CELF2: variants seen among roughly 807,000 people sequenced by gnomAD.
The protein encoded by CELF2 is CUGBP Elav-like family member 2.
Under a neutral mutation model 62.6 loss-of-function variants are expected in CELF2, and 8 were observed. That is an observed-to-expected ratio of 0.13 (90% CI 0.07 to 0.23). CELF2 has a LOEUF of 0.23. Among genes scored for constraint, CELF2 ranks in the 10% least tolerant of loss-of-function variants. The pLI is 1.00. For missense variants in CELF2, 333 were observed against 671.0 expected (o/e 0.50, Z 5.56); for synonymous variants, 258 against 250.0 (o/e 1.03, Z -0.30).
the CELF2 span, among the ~76,000 whole-genome samples, chr10:10,476,290 C>T: frequency 4.6e-4 from 70 of 152,212 alleles, 2 homozygotes; most frequent in South Asian, 4.2e-3. Flanking sequence ...TTCAGTCACA[C>T]GGTGTGAATT....
the CELF2 span, among the ~76,000 whole-genome samples, chr10:10,725,739 A>C: frequency 6.6e-6 from 1 of 152,212 alleles, no homozygotes; most frequent in Non-Finnish European, 1.5e-5. Context: ...TCTCTTGGCG[A>C]CGTGTTATAA....
chr10:10,498,124 A>G, the CELF2 span, among the ~76,000 whole-genome samples: 3 of 152,204 alleles, frequency 2.0e-5, no homozygotes, highest in East Asian at 3.9e-4. Flanking sequence ...GTCAAGGACT[A>G]CACCAAAGCA....
At chr10:10,650,795 G>A in the CELF2 span, among the ~76,000 whole-genome samples, 1 of 152,180 alleles carries the variant, frequency 6.6e-6, no homozygotes, top group Admixed American at 6.5e-5. Context: ...TTAACACAGA[G>A]TCACCATCTG....
chr10:10,812,231 A>G (rs762942863), intron 1 of CELF2, among the ~76,000 whole-genome samples: 1 of 152,190 alleles, frequency 6.6e-6, no homozygotes. Context: ...ATGGTGGCAA[A>G]CGAGAGAATA....
chr10:10,952,335 T>C (rs2048411810), intron 2 of CELF2: 3 of 152,180 alleles, frequency 2.0e-5, no homozygotes, highest in Non-Finnish European at 4.4e-5. Flanking sequence ...CGGACTCCCA[T>C]GCCTTTGAAA....
rs114684858 is a variant in CELF2, at chr10:11,046,154, G to A, written c.74+27991G>A. 7.5e-3 allele frequency among the ~76,000 whole-genome samples: 1,145 copies of A among 152,248 alleles called. 14 individuals are homozygous for A. The highest frequency in any genetic ancestry group is 0.026 in the African/African-American group (1,096 of 41,530). Reference sequence around the variant, plus strand: ...TTAATGTTTTCCTGCCTCCCCAACCGGGCTGCACGCCAGCGGTTCTCAAAA... The same window carrying A: ...TTAATGTTTTCCTGCCTCCCCAACCAGGCTGCACGCCAGCGGTTCTCAAAA... On this transcript the variant is annotated intron_variant, in intron 1 of 12. Coordinates refer to ENST00000633077, the MANE Select transcript of CELF2 (RefSeq NM_001326342.2). This position sits in a 1 kb window ranked among gnomAD's most constrained non-coding sequence, Gnocchi z 4.6.
At chr10:10,579,936 G>GA in the CELF2 span, among the ~76,000 whole-genome samples, 2 of 151,746 alleles carry the variant, frequency 1.3e-5, no homozygotes, top group Non-Finnish European at 2.9e-5. Flanking sequence ...TGCTGATGGG[G>GA]AAAAAAATGA....
chr10:10,604,970 A>T, the CELF2 span, among the ~76,000 whole-genome samples: 1 of 152,228 alleles, frequency 6.6e-6, no homozygotes, highest in East Asian at 1.9e-4. Context: ...ATAGATGCAC[A>T]TTTATGTTCA....
At chr10:10,754,061 G>GGTTTGT in the CELF2 span, among the ~76,000 whole-genome samples, 1 of 85,056 alleles carries the variant, frequency 1.2e-5, no homozygotes, top group South Asian at 4.6e-4. Flanking sequence ...TGCTGAGGTG[G>GGTTTGT]TTTTTTTTTT....
At chr10:10,724,117 C>A in the CELF2 span, among the ~76,000 whole-genome samples, 1 of 152,160 alleles carries the variant, frequency 6.6e-6, no homozygotes, top group East Asian at 1.9e-4. Flanking sequence ...TTGTAAATCA[C>A]CTCATCTCTG....
intron 1 of CELF2, among the ~76,000 whole-genome samples, chr10:11,090,065 A>G (rs1216149605): frequency 6.6e-6 from 1 of 152,214 alleles, no homozygotes; most frequent in South Asian, 2.1e-4. Flanking sequence ...AAACCTAGTT[A>G]CTGGGTACTA....
chr10:10,755,347 G>T, the CELF2 span, among the ~76,000 whole-genome samples: 1 of 152,006 alleles, frequency 6.6e-6, no homozygotes, highest in Non-Finnish European at 1.5e-5. Context: ...TATTGTTCTG[G>T]ACAGCTTTGG....
At chr10:10,491,855 T>A in the CELF2 span, among the ~76,000 whole-genome samples, 1 of 152,224 alleles carries the variant, frequency 6.6e-6, no homozygotes, top group Non-Finnish European at 1.5e-5. Flanking sequence ...CTGCATTTGT[T>A]GTTACATACA....
the CELF2 span, among the ~76,000 whole-genome samples, chr10:10,699,112 C>A: frequency 1.3e-5 from 2 of 151,990 alleles, no homozygotes; most frequent in Non-Finnish European, 2.9e-5. Flanking sequence ...CAGCTTCTCA[C>A]AGAATTTTTT....
chr10:11,027,074 C>T (rs545800661), intron 1 of CELF2, among the ~76,000 whole-genome samples: 1 of 152,238 alleles, frequency 6.6e-6, no homozygotes, highest in African/African-American at 2.4e-5. Flanking sequence ...CTTCAGTCCA[C>T]GCTGGTAACA....
chr10:10,674,427 T>G, the CELF2 span, among the ~76,000 whole-genome samples: 1 of 152,228 alleles, frequency 6.6e-6, no homozygotes, highest in Non-Finnish European at 1.5e-5. Flanking sequence ...AAAGTGAGAT[T>G]CTTGTAGAAA....
At chr10:11,103,487 ATT>A (rs3054364) in intron 1 of CELF2, among the ~76,000 whole-genome samples, 12 of 119,706 alleles carry the variant, frequency 1.0e-4, no homozygotes, top group Non-Finnish European at 1.2e-4. Context: ...TTGTAGCCTG[ATT>A]TTTTTTTTTT....
At chr10:10,942,048 A>T (rs77393175) in intron 2 of CELF2, among the ~76,000 whole-genome samples, 4,914 of 151,586 alleles carry the variant, frequency 0.032, 117 homozygotes, top group Non-Finnish European at 0.052. Context: ...CATGTTTGTT[A>T]TCATGTATCA....
intron 1 of CELF2, among the ~76,000 whole-genome samples, chr10:11,048,020 C>G (rs1222455355): frequency 6.6e-6 from 1 of 152,166 alleles, no homozygotes; most frequent in East Asian, 1.9e-4. Context: ...AGCCCTCTCT[C>G]CAAATGTAAG....
Sources: gnomAD v4.1 joint callset for allele counts (sites outside exome capture counted in the v4.1 genomes callset) on GRCh38, gnomAD v4.1.1 for gene constraint, Gnocchi (gnomAD v3.1) non-coding constraint, MANE v1.5 for transcripts, NCBI Gene and HGNC (gene_info 2026-07-23, HGNC 2026-07-21) for gene names.